Variants in NFATC3 observed in about 807,000 individuals in gnomAD.
NFATC3 encodes nuclear factor of activated T cells 3.
NFATC3 carries 46 observed loss-of-function variants against 98.6 expected under a neutral mutation model. The observed-to-expected ratio is 0.47, with a 90% CI of 0.37 to 0.60. NFATC3 has a LOEUF of 0.60. NFATC3 is among the 20% of genes least tolerant of loss of function. NFATC3 has a pLI of 0.00. For synonymous variants in NFATC3, 512 were observed against 472.2 expected (o/e 1.08, Z -1.09); for missense variants, 1,256 against 1,295.5 (o/e 0.97, Z 0.47).
At chr16:68,156,561 T>G (rs1180872396) in intron 3 of NFATC3, among the ~76,000 whole-genome samples, 1 of 152,034 alleles carries the variant, frequency 6.6e-6, no homozygotes, top group African/African-American at 2.4e-5. Context: ...ACTACATTAG[T>G]AGAATGAAGA....
intron 7 of NFATC3, 65 bp from the exon 8 acceptor site, chr16:68,183,167 AGTTGTGAT>A: frequency 6.8e-7 from 1 of 1,463,462 alleles, no homozygotes; most frequent in Non-Finnish European, 9.1e-7. Flanking sequence ...AAGACTCATG[AGTTGTGAT>A]GTGTTTAACA....
At chr16:68,168,973 T>C (rs1199255518) in intron 5 of NFATC3, among the ~76,000 whole-genome samples, 1 of 152,138 alleles carries the variant, frequency 6.6e-6, no homozygotes, top group Non-Finnish European at 1.5e-5. Flanking sequence ...TTTGTATAGA[T>C]AGGGTCTCAC....
intron 3 of NFATC3, among the ~76,000 whole-genome samples, chr16:68,150,957 C>T (rs2038287737): frequency 6.6e-6 from 1 of 152,134 alleles, no homozygotes; most frequent in Admixed American, 6.5e-5. Flanking sequence ...TCCTGAGGCC[C>T]CCCCAGCCAT....
At chr16:68,155,251 A>G (rs1210473482) in intron 3 of NFATC3, among the ~76,000 whole-genome samples, 1 of 152,210 alleles carries the variant, frequency 6.6e-6, no homozygotes, top group East Asian at 1.9e-4. Context: ...TACTATACCA[A>G]GGAAGAGGAG....
chr16:68,130,087 C>T (rs747912976), intron 3 of NFATC3, among the ~76,000 whole-genome samples: 1 of 152,078 alleles, frequency 6.6e-6, no homozygotes, highest in African/African-American at 2.4e-5. Flanking sequence ...ATATCTTGGC[C>T]GTTATGAATA....
chr16:68,206,958 G>T (rs192009490), intron 9 of NFATC3, among the ~76,000 whole-genome samples: 103 of 150,266 alleles, frequency 6.9e-4, no homozygotes, highest in African/African-American at 2.2e-3. Flanking sequence ...CTCCAACCCG[G>T]GCAACAGAGA....
rs7187826 is a variant in NFATC3, at chr16:68,122,341, T to C, written c.458T>C (p.Leu153Pro). The C allele has an allele frequency of 6.2e-7, 1 of 1,614,168 alleles. No homozygotes were observed. Among genetic ancestry groups the C allele is most frequent in the South Asian group, 1.1e-5 (1 of 91,074 alleles). The change falls in exon 2 of 10, where the codon CTT (leucine) becomes CCT (proline). Residue 153 changes from leucine (L) to proline (P), a missense_variant. By Grantham distance (98) the Leu-to-Pro change is moderately conservative. Coordinates refer to ENST00000346183, the MANE Select transcript of NFATC3 (RefSeq NM_173165.3). ...TCTAGAGATCATCTCTATCTTCCTC[T>C]TGAGCCATCCTACCGGGAGTCTTCT... ...RPSRDHLYLPLEPSYRESSLS... is the reference protein window; with the variant it reads ...RPSRDHLYLPPEPSYRESSLS...
chr16:68,143,656 C>T (rs2037879153), intron 3 of NFATC3, among the ~76,000 whole-genome samples: 1 of 152,134 alleles, frequency 6.6e-6, no homozygotes, highest in Non-Finnish European at 1.5e-5. Flanking sequence ...AAAGGCCAAC[C>T]TGGCCAATAT....
intron 5 of NFATC3, among the ~76,000 whole-genome samples, chr16:68,167,660 A>T (rs2039258043): frequency 6.6e-6 from 1 of 151,936 alleles, no homozygotes; most frequent in African/African-American, 2.4e-5. Context: ...TCCATGTTTT[A>T]TTTGCATAGG....
At chr16:68,226,315 G>A in intron 9 of NFATC3, 35 bp from the exon 10 acceptor site, 1 of 1,552,744 alleles carries the variant, frequency 6.4e-7, no homozygotes, top group African/African-American at 1.4e-5. Flanking sequence ...ATCACTCAGA[G>A]GTCACTAATC....
chr16:68,152,884 A>G (rs1463747437), intron 3 of NFATC3, among the ~76,000 whole-genome samples: 3 of 152,234 alleles, frequency 2.0e-5, no homozygotes, highest in Non-Finnish European at 4.4e-5. Flanking sequence ...ACAAGAGAAC[A>G]TAAGTGGCAC....
chr16:68,124,171 A>T (rs960141643), intron 2 of NFATC3, among the ~76,000 whole-genome samples: 1 of 151,956 alleles, frequency 6.6e-6, no homozygotes, highest in South Asian at 2.1e-4. Context: ...GGGTAATCAT[A>T]GCTCACTGCA....
chr16:68,151,604 A>G (rs1360698487), intron 3 of NFATC3, among the ~76,000 whole-genome samples: 1 of 152,194 alleles, frequency 6.6e-6, no homozygotes, highest in Non-Finnish European at 1.5e-5. Flanking sequence ...GAAGAACTAT[A>G]GTTATCCCAT....
intron 1 of NFATC3, among the ~76,000 whole-genome samples, chr16:68,118,712 A>G (rs1015408386): frequency 2.0e-5 from 3 of 152,212 alleles, no homozygotes; most frequent in East Asian, 1.9e-4. Context: ...TTATGCACAA[A>G]TATCTATTTG....
At chr16:68,144,975 A>T (rs190676023) in intron 3 of NFATC3, among the ~76,000 whole-genome samples, 2 of 151,896 alleles carry the variant, frequency 1.3e-5, no homozygotes, top group East Asian at 2.0e-4. Context: ...CCTGATTTTT[A>T]AAAATTTTTT....
chr16:68,096,813 G>A (rs1168706810), intron 1 of NFATC3, among the ~76,000 whole-genome samples: 3 of 152,230 alleles, frequency 2.0e-5, no homozygotes, highest in Non-Finnish European at 4.4e-5. Context: ...TCAGGATTCT[G>A]TTGTGTCCAG....
intron 9 of NFATC3, among the ~76,000 whole-genome samples, chr16:68,201,723 G>A (rs1400122064): frequency 6.6e-6 from 1 of 150,794 alleles, no homozygotes; most frequent in East Asian, 2.0e-4. Flanking sequence ...GGCTTAGGTG[G>A]GTGGATCACC....
At chr16:68,098,659 TC>T (rs2035176184) in intron 1 of NFATC3, among the ~76,000 whole-genome samples, 1 of 152,190 alleles carries the variant, frequency 6.6e-6, no homozygotes, top group East Asian at 1.9e-4. Flanking sequence ...CATTTTAAAT[TC>T]CCACTAGCAG....
At chr16:68,203,516 C>A (rs1334948146) in intron 9 of NFATC3, among the ~76,000 whole-genome samples, 2 of 151,502 alleles carry the variant, frequency 1.3e-5, no homozygotes, top group African/African-American at 4.9e-5. Flanking sequence ...GCCTATAGTC[C>A]CAGCTACTCG....
Sources: gnomAD v4.1 joint callset for allele counts (sites outside exome capture counted in the v4.1 genomes callset) on GRCh38, gnomAD v4.1.1 for gene constraint, MANE v1.5 for transcripts, NCBI Gene and HGNC (gene_info 2026-07-23, HGNC 2026-07-21) for gene names.